BRSK2: variants seen among roughly 807,000 people sequenced by gnomAD.
BRSK2 encodes the protein serine/threonine-protein kinase BRSK2.
Under a neutral mutation model 83.3 loss-of-function variants are expected in BRSK2, and 19 were observed. The ratio of observed to expected loss-of-function variants is 0.23; its 90% confidence interval spans 0.16 to 0.33. The LOEUF (loss-of-function observed/expected upper bound fraction) is 0.33. Ranked by LOEUF, BRSK2 falls within the 10% of genes least tolerant of loss-of-function variation. The pLI, the probability that BRSK2 is intolerant of heterozygous loss-of-function variation, is 1.00. For synonymous variants in BRSK2, 519 were observed against 435.4 expected (o/e 1.19, Z -2.39); for missense variants, 798 against 1,042.3 (o/e 0.77, Z 3.23).
chr11:1,449,851 G>A lies in BRSK2; in HGVS notation c.1287+15G>A, dbSNP rs766168930. On this transcript the variant is annotated intron_variant, in intron 13 of 19. Coordinates refer to ENST00000528841, the MANE Select transcript of BRSK2 (RefSeq NM_001256627.2). ...GCAGCCCCCGGGTGAGTGACCCCCC[G>A]CCCCCACCCAGCTCGGATGCACAGA... 98 of 1,524,936 alleles carry A rather than the reference G, an allele frequency of 6.4e-5. No homozygotes were observed. The South Asian group carries it at 6.8e-4, about 11-fold the overall frequency. The allele number at this position is 1,524,936 out of a possible 1,614,324, so 94.5% of individuals were successfully genotyped here. A position where few individuals can be genotyped will look rare whatever the true frequency, so the allele number is the denominator to read the frequency against.
chr11:1,428,841 G>A (rs1849550929), intron 1 of BRSK2, among the ~76,000 whole-genome samples: 1 of 152,056 alleles, frequency 6.6e-6, no homozygotes, highest in African/African-American at 2.4e-5. Flanking sequence ...GCATGGGTGT[G>A]TGTACAGGCG....
At chr11:1,460,463 T>TC in intron 19 of BRSK2, 37 bp from the exon 20 acceptor site, 1 of 63,768 alleles carries the variant, frequency 1.6e-5, no homozygotes. Flanking sequence ...CTTTTTTCCT[T>TC]TTTTTTTTTT....
At chr11:1,433,645 G>A (rs756821519) in intron 1 of BRSK2, among the ~76,000 whole-genome samples, 3 of 152,220 alleles carry the variant, frequency 2.0e-5, no homozygotes, top group African/African-American at 7.2e-5. Context: ...GGCCAGCCTC[G>A]TGCCTGGGGA....
intron 1 of BRSK2, among the ~76,000 whole-genome samples, chr11:1,419,869 C>T (rs914221633): frequency 8.5e-5 from 13 of 152,236 alleles, no homozygotes; most frequent in South Asian, 2.1e-4. Context: ...GCCGAGATGG[C>T]GCCCCTGCAC....
rs1451294306 is a variant in BRSK2, at chr11:1,389,962, G to T, written c.-323G>T. 2.0e-5 allele frequency: 3 copies of T among 148,600 alleles called. No individual in the cohort carries two copies. The highest frequency in any genetic ancestry group is 7.3e-5 in the African/African-American group (3 of 40,976). The allele number at this position is 148,600 out of a possible 1,614,324, so 9.2% of individuals were successfully genotyped here. A position where few individuals can be genotyped will look rare whatever the true frequency, so the allele number is the denominator to read the frequency against. ...TCGGCTCGGCTGCGCGGCCGCTGAC[G>T]GGCGTGCGCTGGGGGCGCGGGGCGC... On this transcript the variant is annotated 5_prime_UTR_variant, in exon 1 of 20. Transcript: ENST00000528841. This position sits in a 1 kb window ranked among gnomAD's most constrained non-coding sequence, Gnocchi z 4.1.
At chr11:1,418,363 C>T (rs552715679) in intron 1 of BRSK2, among the ~76,000 whole-genome samples, 4 of 146,082 alleles carry the variant, frequency 2.7e-5, no homozygotes, top group South Asian at 4.4e-4. Flanking sequence ...TTGTCTGTTT[C>T]TTCTCTTGAG....
At position 1,445,841 on chromosome 11, in the gene BRSK2, G is replaced by C. The variant is rs1043560005; in HGVS notation, c.1160G>C (p.Ser387Thr). Residue 387 changes from serine to threonine, a missense_variant, in exon 12 of 20, where the codon AGC (serine) becomes ACC (threonine). Ser to Thr is a moderately conservative substitution (Grantham distance 58, BLOSUM62 1). Around this residue, in one of 6 missense-constraint regions of BRSK2, gnomAD observed 51 missense variants for 52.6 expected, o/e 0.97. Transcript: ENST00000528841. ...RPERKSMEVL[S>T]VTDGGSPVPA... is the part of the protein sequence containing the mutation. ...GAACGCAAATCCATGGAGGTGCTCA[G>C]CGTGACGGACGGCGGCTCCCCGGTG... is the stretch of plus-strand genomic sequence containing the variant. 6.8e-6 allele frequency: 11 copies of C among 1,612,294 alleles called. No individual in the cohort carries two copies. Among genetic ancestry groups the C allele is most frequent in the Non-Finnish European group, 9.3e-6 (11 of 1,179,710 alleles).
chr11:1,435,677 G>T (rs1039771763), intron 1 of BRSK2, among the ~76,000 whole-genome samples: 2 of 151,440 alleles, frequency 1.3e-5, no homozygotes, highest in African/African-American at 4.9e-5. Flanking sequence ...GGTGTGCGGG[G>T]GACAGCCTTC....
Position 1,450,018 on chromosome 11 carries a change from CTTTTG to C in BRSK2, c.1287+196_1287+200del, listed in dbSNP as rs934043276. ...CAGGCTGCTCTGCTAACTGCACGCTCTTTTGTTTTGTTTTGTTTGTTTTCTTGTGT... is the reference window on the plus strand; with the variant it reads ...CAGGCTGCTCTGCTAACTGCACGCTCTTTTGTTTTGTTTGTTTTCTTGTGT... On this transcript the variant is annotated intron_variant, in intron 13 of 19. Coordinates refer to ENST00000528841, the MANE Select transcript of BRSK2 (RefSeq NM_001256627.2). Among the ~76,000 whole-genome samples the C allele has an allele frequency of 1.1e-3, 167 of 152,278 alleles. 1 individual carries two copies. Among genetic ancestry groups the C allele is most frequent in the Middle Eastern group, 6.8e-3 (2 of 294 alleles).
chr11:1,408,082 ACT>A (rs1847032838), intron 1 of BRSK2, among the ~76,000 whole-genome samples: 2 of 151,590 alleles, frequency 1.3e-5, no homozygotes, highest in East Asian at 1.9e-4. Flanking sequence ...TGAGCCCCAT[ACT>A]CTCTGCAGCC....
At chr11:1,446,039 T>C in intron 12 of BRSK2, 132 bp downstream of exon 12, 2 of 729,922 alleles carry the variant, frequency 2.7e-6, no homozygotes, top group South Asian at 1.9e-5. Flanking sequence ...TGGGCTAAAC[T>C]GGGCTTAGCT....
At chr11:1,460,415 T>C in intron 19 of BRSK2, 85 bp from the exon 20 acceptor site, 2 of 952,552 alleles carry the variant, frequency 2.1e-6, no homozygotes, top group Non-Finnish European at 2.8e-6. Flanking sequence ...TCTTTCTCTC[T>C]CCTTCCCTCC....
chr11:1,402,169 G>T (rs1489941414), intron 1 of BRSK2, among the ~76,000 whole-genome samples: 1 of 152,208 alleles, frequency 6.6e-6, no homozygotes. Flanking sequence ...CCTGGGGAAG[G>T]CTGGGGGGCC....
At chr11:1,419,034 C>G (rs1848384156) in intron 1 of BRSK2, among the ~76,000 whole-genome samples, 1 of 152,258 alleles carries the variant, frequency 6.6e-6, no homozygotes, top group Non-Finnish European at 1.5e-5. Context: ...TGTCTGGGAG[C>G]TCCCAGTTAC....
intron 15 of BRSK2, among the ~76,000 whole-genome samples, chr11:1,452,183 C>T (rs552078990): frequency 6.6e-6 from 1 of 152,304 alleles, no homozygotes; most frequent in East Asian, 1.9e-4. Context: ...AAGACGAGAA[C>T]CTTCGTCCTG....
chr11:1,428,820 C>T (rs995913330), intron 1 of BRSK2, among the ~76,000 whole-genome samples: 3 of 150,840 alleles, frequency 2.0e-5, no homozygotes, highest in African/African-American at 7.3e-5. Context: ...TGTATGCAGT[C>T]GTGTGTACAT....
rs1554914687 is a variant in BRSK2, at chr11:1,454,173, T to TG, written c.1545-306dup. On this transcript the variant is annotated intron_variant, in intron 15 of 19. Coordinates refer to ENST00000528841, the MANE Select transcript of BRSK2 (RefSeq NM_001256627.2). This position sits in a 1 kb window ranked among gnomAD's most constrained non-coding sequence, Gnocchi z 5.2. ...GCCTTGGTGAGGGGGGGCTCACCTGTGGGGGGCTCACCTGTGGAGGGGCAT... is the reference window on the plus strand; with the variant it reads ...GCCTTGGTGAGGGGGGGCTCACCTGTGGGGGGGCTCACCTGTGGAGGGGCAT... 7.5e-4 allele frequency: 185 copies of TG among 248,272 alleles called. 1 individual carries two copies. The highest frequency in any genetic ancestry group is 3.8e-3 in the African/African-American group (163 of 42,646). 15.4% of individuals were successfully genotyped at this position (248,272 alleles called of 1,614,324 possible). A position where few individuals can be genotyped will look rare whatever the true frequency, so the allele number is the denominator to read the frequency against.
chr11:1,440,121 C>A (rs1039939852), intron 3 of BRSK2, among the ~76,000 whole-genome samples: 1 of 152,202 alleles, frequency 6.6e-6, no homozygotes, highest in Admixed American at 6.5e-5. Context: ...CTGGTTCAGC[C>A]TGGGTGGAGC....
chr11:1,397,703 C>G (rs976515454), intron 1 of BRSK2, among the ~76,000 whole-genome samples: 3 of 152,206 alleles, frequency 2.0e-5, no homozygotes, highest in Non-Finnish European at 4.4e-5. Flanking sequence ...TTGGGTGCCA[C>G]GTCCTTGGGC....
Sources: gnomAD v4.1 joint callset for allele counts (sites outside exome capture counted in the v4.1 genomes callset) on GRCh38, gnomAD v4.1.1 for gene constraint, gnomAD v4.1.1 regional missense constraint, Gnocchi (gnomAD v3.1) non-coding constraint, MANE v1.5 for transcripts, NCBI Gene and HGNC (gene_info 2026-07-23, HGNC 2026-07-21) for gene names.